CDH20: variants seen among roughly 807,000 people sequenced by gnomAD.
The protein encoded by CDH20 is cadherin 20.
In CDH20, 29 loss-of-function variants were observed where a neutral mutation model predicts 74.2. The ratio of observed to expected loss-of-function variants is 0.39; its 90% CI spans 0.29 to 0.53. The LOEUF (loss-of-function observed/expected upper bound fraction) is 0.53, where lower values mean the gene tolerates loss of function less well. CDH20 is among the 20% of genes least tolerant of loss of function. The pLI, the probability that CDH20 is intolerant of heterozygous loss-of-function variation, is 0.69. For missense variants in CDH20, 988 were observed against 1,048.3 expected, an observed-to-expected ratio of 0.94 and a Z score of 0.79; for synonymous variants, 469 against 405.4, an observed-to-expected ratio of 1.16 and a Z score of -1.88.
chr18:61,491,373 T>G (rs899364380), intron 2 of CDH20, among the ~76,000 whole-genome samples: 3 of 152,252 alleles, frequency 2.0e-5, no homozygotes, highest in African/African-American at 7.2e-5. Context: ...ATTTTTCCTG[T>G]GTTTACTTTA....
At chr18:61,460,031 T>A (rs551992461) in intron 1 of CDH20, among the ~76,000 whole-genome samples, 1 of 152,202 alleles carries the variant, frequency 6.6e-6, no homozygotes, top group Non-Finnish European at 1.5e-5. Flanking sequence ...TTCTTCTCTG[T>A]GTGATGTTAT....
intron 1 of CDH20, among the ~76,000 whole-genome samples, chr18:61,456,677 G>T (rs756975701): frequency 6.6e-6 from 1 of 151,816 alleles, no homozygotes; most frequent in Non-Finnish European, 1.5e-5. Flanking sequence ...CACAAAAAAA[G>T]ACTTCTTGAT....
At chr18:61,357,205 G>A (rs1328385385) in intron 1 of CDH20, among the ~76,000 whole-genome samples, 1 of 152,124 alleles carries the variant, frequency 6.6e-6, no homozygotes, top group Non-Finnish European at 1.5e-5. Flanking sequence ...AAACTCCTCT[G>A]AAGGCTTCCT....
Position 61,527,979 on chromosome 18 carries a change from G to C in CDH20, c.1030G>C (p.Glu344Gln), listed in dbSNP as rs753385679. 6.2e-7 allele frequency: 1 copy of C among 1,614,008 alleles called. No homozygotes were observed. The highest frequency in any genetic ancestry group is 1.1e-5 in the South Asian group (1 of 91,058). Residue 344 changes from glutamate to glutamine, a missense_variant, in exon 7 of 12, where the codon GAA becomes CAA. By Grantham distance (29) the Glu-to-Gln change is conservative (BLOSUM62 2). Coordinates refer to ENST00000262717, the MANE Select transcript of CDH20 (RefSeq NM_031891.4). ...IITVKKPLSF[E>Q]SKKSYTLKVE... Reference sequence around the variant, plus strand: ...CATTGCTTTTCAGCCCCTGAGTTTTGAAAGCAAGAAAAGCTACACCTTAAA... The same window carrying C: ...CATTGCTTTTCAGCCCCTGAGTTTTCAAAGCAAGAAAAGCTACACCTTAAA...
intron 1 of CDH20, among the ~76,000 whole-genome samples, chr18:61,346,120 A>G (rs1361332998): frequency 6.6e-6 from 1 of 152,220 alleles, no homozygotes; most frequent in Non-Finnish European, 1.5e-5. Context: ...GTCATTGGCT[A>G]GGTATTTGAA....
At chr18:61,495,311 A>G (rs1911098140) in intron 2 of CDH20, among the ~76,000 whole-genome samples, 1 of 152,220 alleles carries the variant, frequency 6.6e-6, no homozygotes, top group Non-Finnish European at 1.5e-5. Flanking sequence ...CCAAATGTGT[A>G]TTCTACGGCT....
intron 1 of CDH20, among the ~76,000 whole-genome samples, chr18:61,466,302 T>G (rs1028267153): frequency 6.6e-6 from 1 of 152,196 alleles, no homozygotes; most frequent in African/African-American, 2.4e-5. Context: ...ACATTTACAA[T>G]AGAAACTTAC....
intron 1 of CDH20, among the ~76,000 whole-genome samples, chr18:61,352,652 T>C (rs141771750): frequency 3.7e-4 from 57 of 152,328 alleles, no homozygotes; most frequent in African/African-American, 1.3e-3. Flanking sequence ...AATAATTACC[T>C]TAGTTGCTGG....
At chr18:61,463,539 G>A (rs1407521436) in intron 1 of CDH20, among the ~76,000 whole-genome samples, 1 of 152,130 alleles carries the variant, frequency 6.6e-6, no homozygotes, top group Non-Finnish European at 1.5e-5. Context: ...GCATAAGAGG[G>A]GTGAAGGTGG....
chr18:61,457,570 A>G (rs1476009258), intron 1 of CDH20, among the ~76,000 whole-genome samples: 1 of 152,176 alleles, frequency 6.6e-6, no homozygotes, highest in Non-Finnish European at 1.5e-5. Context: ...ATTCAATGCC[A>G]GGTCTGTTTC....
intron 1 of CDH20, among the ~76,000 whole-genome samples, chr18:61,429,536 A>G (rs1913182913): frequency 1.3e-5 from 2 of 152,188 alleles, no homozygotes; most frequent in African/African-American, 4.8e-5. Context: ...AGCTCCGAAG[A>G]GAAATCGTGT....
At chr18:61,450,030 C>T (rs896992854) in intron 1 of CDH20, among the ~76,000 whole-genome samples, 1 of 152,002 alleles carries the variant, frequency 6.6e-6, no homozygotes, top group East Asian at 1.9e-4. Flanking sequence ...TAAACGCAAT[C>T]CCCGCAACAA....
chr18:61,430,493 T>A (rs1189476555), intron 1 of CDH20, among the ~76,000 whole-genome samples: 1 of 152,202 alleles, frequency 6.6e-6, no homozygotes, highest in East Asian at 1.9e-4. Flanking sequence ...TTTTCCATAC[T>A]GTACTCTTTG....
At chr18:61,342,266 G>A (rs929467805) in intron 1 of CDH20, among the ~76,000 whole-genome samples, 14 of 152,110 alleles carry the variant, frequency 9.2e-5, no homozygotes, top group African/African-American at 1.7e-4. Context: ...ATAAATAACC[G>A]CCATTTATTT....
chr18:61,449,894 C>G (rs17068313), intron 1 of CDH20, among the ~76,000 whole-genome samples: 9,283 of 151,926 alleles, frequency 0.061, 499 homozygotes, highest in East Asian at 0.21. Flanking sequence ...CTGGATATGA[C>G]ATGGGATAAA....
intron 1 of CDH20, among the ~76,000 whole-genome samples, chr18:61,424,003 A>C (rs1032419065): frequency 6.6e-6 from 1 of 152,156 alleles, no homozygotes; most frequent in African/African-American, 2.4e-5. Context: ...TACGCTCATC[A>C]AAAAAATGGC....
chr18:61,444,621 G>C (rs973412542), intron 1 of CDH20, among the ~76,000 whole-genome samples: 4 of 152,110 alleles, frequency 2.6e-5, no homozygotes, highest in African/African-American at 4.8e-5. Context: ...CAACCCAAAG[G>C]GGGAGGGCTG....
intron 1 of CDH20, among the ~76,000 whole-genome samples, chr18:61,361,563 T>TCAC (rs891354708): frequency 2.3e-4 from 35 of 152,190 alleles, no homozygotes; most frequent in African/African-American, 7.5e-4. Flanking sequence ...CTTTGCTCAG[T>TCAC]CACTCACTGG....
intron 1 of CDH20, among the ~76,000 whole-genome samples, chr18:61,339,786 C>G (rs1035563707): frequency 6.9e-6 from 1 of 144,382 alleles, no homozygotes; most frequent in Admixed American, 7.3e-5. Context: ...CTCCTGGGTT[C>G]ATGCCATTCT....
Sources: gnomAD v4.1 joint callset for allele counts (sites outside exome capture counted in the v4.1 genomes callset) on GRCh38, gnomAD v4.1.1 for gene constraint, MANE v1.5 for transcripts, NCBI Gene and HGNC (gene_info 2026-07-23, HGNC 2026-07-21) for gene names.